VPS35L: variants seen among roughly 807,000 people sequenced by gnomAD.
VPS35L encodes the protein VPS35 endosomal protein-sorting factor-like.
Under a neutral mutation model 133.0 loss-of-function variants are expected in VPS35L, and 83 were observed. The ratio of observed to expected loss-of-function variants is 0.62; its 90% CI spans 0.52 to 0.75. The LOEUF (loss-of-function observed/expected upper bound fraction) is 0.75. VPS35L is among the 30% of genes least tolerant of loss of function. The pLI, the probability that VPS35L is intolerant of heterozygous loss-of-function variation, is 0.00. For synonymous variants in VPS35L, 423 were observed against 449.9 expected (o/e 0.94, Z 0.76); for missense variants, 1,083 against 1,206.8 (o/e 0.90, Z 1.52).
chr16:19,575,016 G>T, intron 4 of VPS35L, 82 bp from the exon 5 acceptor site: 1 of 1,107,732 alleles, frequency 9.0e-7, no homozygotes, highest in Non-Finnish European at 1.3e-6. Context: ...CTTTCTCTTG[G>T]GTATGTAAAT....
chr16:19,570,835 A>T (rs529666620), intron 3 of VPS35L, among the ~76,000 whole-genome samples: 51 of 944 alleles, frequency 0.054, no homozygotes, highest in African/African-American at 0.34. Flanking sequence ...GCTGTGTTTC[A>T]TATATATATA....
At chr16:19,595,502 T>C (rs1183551122) in intron 8 of VPS35L, among the ~76,000 whole-genome samples, 1 of 152,136 alleles carries the variant, frequency 6.6e-6, no homozygotes, top group Non-Finnish European at 1.5e-5. Context: ...GCAGTCTCAT[T>C]CCTCCCGTGA....
intron 26 of VPS35L, among the ~76,000 whole-genome samples, chr16:19,666,927 TCTTTCTTC>T (rs1555506168): frequency 9.8e-4 from 62 of 62,982 alleles, no homozygotes; most frequent in South Asian, 2.4e-3. Flanking sequence ...TTTCTTTCTT[TCTTTCTTC>T]CTTTCTTCCT....
intron 29 of VPS35L, among the ~76,000 whole-genome samples, chr16:19,698,393 G>A (rs11863658): frequency 0.062 from 9,402 of 152,100 alleles, 984 homozygotes; most frequent in African/African-American, 0.21. Flanking sequence ...GATTCTGGTC[G>A]GAGAAATGCT....
chr16:19,591,349 T>A (rs1441163189), intron 7 of VPS35L, among the ~76,000 whole-genome samples: 1 of 152,170 alleles, frequency 6.6e-6, no homozygotes, highest in Non-Finnish European at 1.5e-5. Flanking sequence ...TTTGAGTGCT[T>A]CCTGGTTCAG....
chr16:19,625,858 G>T (rs1388564310), intron 14 of VPS35L, among the ~76,000 whole-genome samples: 1 of 152,080 alleles, frequency 6.6e-6, no homozygotes, highest in Non-Finnish European at 1.5e-5. Context: ...ATTTTTAGTG[G>T]AGACGGGGTT....
In VPS35L at chr16:19,648,454, CAGA is replaced by C. The variant is rs1974022071; in HGVS notation, c.2028+575_2028+577del. ...CAATGATTAGTTACAGAAATCTAAC[CAGA>C]AGGAGCCCCTTCTTACGTAACAAGA... On this transcript the variant is annotated intron_variant, in intron 24 of 30. Coordinates refer to ENST00000417362, the MANE Select transcript of VPS35L (RefSeq NM_020314.7). Among the ~76,000 whole-genome samples the C allele has an allele frequency of 2.6e-5, 4 of 152,140 alleles. No individual in the cohort carries two copies. The South Asian group carries it at 8.3e-4, about 31-fold the overall frequency.
chr16:19,573,390 T>C (rs1971442850), intron 4 of VPS35L, 149 bp downstream of exon 4: 2 of 884,278 alleles, frequency 2.3e-6, no homozygotes, highest in Admixed American at 3.1e-5. Flanking sequence ...AGGCTTCATG[T>C]AGTATGTCAG....
intron 14 of VPS35L, 130 bp downstream of exon 14, chr16:19,616,938 T>C (rs761305856): frequency 1.5e-6 from 2 of 1,357,700 alleles, no homozygotes; most frequent in South Asian, 1.2e-5. Context: ...CCAGCCTTTA[T>C]AGAGGGCTTG....
At chr16:19,597,269 G>A (rs1972246092) in intron 8 of VPS35L, among the ~76,000 whole-genome samples, 1 of 151,994 alleles carries the variant, frequency 6.6e-6, no homozygotes, top group Non-Finnish European at 1.5e-5. Context: ...TACTTAGGAG[G>A]CAGAGGCAGG....
intron 21 of VPS35L, among the ~76,000 whole-genome samples, chr16:19,640,948 A>G (rs937443423): frequency 1.3e-5 from 2 of 152,138 alleles, no homozygotes; most frequent in East Asian, 1.9e-4. Context: ...AGGTCTCTCT[A>G]TGTTGCCCAG....
rs1976093648 is a variant in VPS35L at position 19,700,539 on chromosome 16, G to A, written c.*63G>A. On this transcript the variant is annotated 3_prime_UTR_variant, in exon 31 of 31. Coordinates refer to ENST00000417362, the MANE Select transcript of VPS35L (RefSeq NM_020314.7). ...CAAATCCAGAAAGATCTGCTCTGCT[G>A]CCCTGAACTCTTACGGCAATTTAGG... 4 of 1,342,576 alleles carry A rather than the reference G, an allele frequency of 3.0e-6. No individual in the cohort carries two copies. Among genetic ancestry groups the A allele is most frequent in the Admixed American group, 1.9e-5 (1 of 52,884 alleles). 83.2% of individuals were successfully genotyped at this position (1,342,576 alleles called of 1,614,324 possible).
At chr16:19,620,031 CTT>C (rs1973027646) in intron 14 of VPS35L, among the ~76,000 whole-genome samples, 2 of 152,206 alleles carry the variant, frequency 1.3e-5, no homozygotes, top group South Asian at 4.1e-4. Context: ...GGAGAAATAC[CTT>C]TAGTTGTGAA....
chr16:19,677,513 C>G (rs895351150), intron 27 of VPS35L, among the ~76,000 whole-genome samples: 2 of 152,144 alleles, frequency 1.3e-5, no homozygotes, highest in Non-Finnish European at 2.9e-5. Flanking sequence ...AGTAAGTAGT[C>G]AGCTAGGCAC....
chr16:19,695,171 A>G (rs1975862251), intron 29 of VPS35L, among the ~76,000 whole-genome samples: 1 of 152,246 alleles, frequency 6.6e-6, no homozygotes, highest in South Asian at 2.1e-4. Context: ...CTCTTAGAAC[A>G]ATGATGTGTG....
At chr16:19,622,140 CT>C (rs60521137) in intron 14 of VPS35L, among the ~76,000 whole-genome samples, 17,126 of 107,614 alleles carry the variant, frequency 0.16, 1,396 homozygotes, top group East Asian at 0.33. Context: ...CCATGTATAT[CT>C]TTTTTTTTTT....
intron 9 of VPS35L, among the ~76,000 whole-genome samples, chr16:19,602,341 C>T (rs571785277): frequency 2.6e-5 from 4 of 152,240 alleles, no homozygotes; most frequent in East Asian, 3.9e-4. Context: ...TATGAGGAAA[C>T]GTTCTCATCC....
At chr16:19,630,609 C>T (rs1040563809) in intron 18 of VPS35L, among the ~76,000 whole-genome samples, 1 of 152,092 alleles carries the variant, frequency 6.6e-6, no homozygotes, top group Non-Finnish European at 1.5e-5. Flanking sequence ...GCTGGGATTA[C>T]AGGCGTGAGC....
intron 8 of VPS35L, among the ~76,000 whole-genome samples, chr16:19,597,626 T>C (rs1468572107): frequency 2.0e-5 from 3 of 152,200 alleles, no homozygotes; most frequent in African/African-American, 7.2e-5. Flanking sequence ...GTAGCTGCTT[T>C]CAGCACTTCC....
Sources: allele counts gnomAD v4.1 joint callset (sites outside exome capture counted in the v4.1 genomes callset), GRCh38; gene constraint gnomAD v4.1.1; transcripts MANE v1.5; gene names NCBI Gene and HGNC (gene_info 2026-07-23, HGNC 2026-07-21).